The following PPFIBP2 variants were observed in gnomAD, a reference collection of about 807,000 sequenced individuals.
PPFIBP2 encodes the protein PPFIB scaffold protein 2.
Under a neutral mutation model 118.3 loss-of-function variants are expected in PPFIBP2, and 118 were observed. The ratio of observed to expected loss-of-function variants is 1.00; its 90% CI spans 0.86 to 1.16. PPFIBP2 has a LOEUF of 1.16. Ranked by LOEUF, PPFIBP2 falls within the 50% of genes most tolerant of loss-of-function variation. The probability of loss-of-function intolerance (pLI) is 0.00; values close to 1 mark genes in which losing one functional copy is unlikely to be tolerated. For synonymous variants in PPFIBP2, 414 were observed against 397.4 expected, an observed-to-expected ratio of 1.04 and a Z score of -0.50; for missense variants, 1,195 against 1,073.1, an observed-to-expected ratio of 1.11 and a Z score of -1.59.
At chr11:7,595,955 G>T (rs992886680) in intron 4 of PPFIBP2, among the ~76,000 whole-genome samples, 2 of 149,850 alleles carry the variant, frequency 1.3e-5, no homozygotes, top group Admixed American at 6.7e-5. Context: ...ATCTATTAGG[G>T]TCTCAAAAAT....
chr11:7,637,345 T>C (rs1851585014), intron 14 of PPFIBP2, among the ~76,000 whole-genome samples: 1 of 152,238 alleles, frequency 6.6e-6, no homozygotes, highest in Non-Finnish European at 1.5e-5. Flanking sequence ...GCTATTTCTT[T>C]AGGCCCTGGG....
rs1038277648 is a variant in PPFIBP2, at chr11:7,593,302, A to C, written c.372+78A>C. 2.6e-6 allele frequency: 4 copies of C among 1,520,122 alleles called. No homozygotes were observed. In the African/African-American group the frequency reaches 5.6e-5, roughly 21 times the overall value. 94.2% of individuals were successfully genotyped at this position (1,520,122 alleles called of 1,614,324 possible). On this transcript the variant is annotated intron_variant, in intron 4 of 23. Transcript: ENST00000299492. ...CTTCCCCTAAGTGGAAGGGAAGCCCAAGAGATTTTCTCTGTTGGAATTTTT... is the reference window on the plus strand; with the variant it reads ...CTTCCCCTAAGTGGAAGGGAAGCCCCAGAGATTTTCTCTGTTGGAATTTTT...
downstream of PPFIBP2, chr11:7,656,720 T>C: frequency 1.6e-6 from 2 of 1,289,728 alleles, no homozygotes; most frequent in Non-Finnish European, 2.0e-6. Context: ...GGCTGTGTCC[T>C]TTTCAGACAA....
intron 5 of PPFIBP2, among the ~76,000 whole-genome samples, chr11:7,608,011 G>A (rs1847602683): frequency 6.6e-6 from 1 of 152,186 alleles, no homozygotes; most frequent in Non-Finnish European, 1.5e-5. Flanking sequence ...AGAGTAGGTG[G>A]TGTGGGGGAT....
rs1565106490 is a variant in PPFIBP2, at chr11:7,639,879, C to T, written c.1375+9C>T. 1 of 1,612,176 alleles carries T rather than the reference C, an allele frequency of 6.2e-7. No individual in the cohort carries two copies. Among genetic ancestry groups the T allele is most frequent in the Non-Finnish European group, 8.5e-7 (1 of 1,179,330 alleles). ...CAGCCTGCTGAGGCTGAGTGAGTGT[C>T]CAGCCCTGGTGCTGGTGGCCTCTGA... On this transcript the variant is annotated intron_variant, in intron 15 of 23. Coordinates refer to ENST00000299492, the MANE Select transcript of PPFIBP2 (RefSeq NM_003621.5).
chr11:7,632,872 T>G lies in PPFIBP2; in HGVS notation c.1074T>G (p.Pro358=), dbSNP rs781435327. The change falls in exon 12 of 24, where the codon CCT becomes CCG. Residue 358 remains proline (P), a synonymous_variant. Coordinates refer to ENST00000299492, the MANE Select transcript of PPFIBP2 (RefSeq NM_003621.5). The stretch of plus-strand genomic sequence containing the variant: ...CTCTTCTGTCTCTGGTGCAGATGCC[T>G]CCAAGATGTAGCTCTCCTACAGTGG... ...DPEELFKQEM[P]PRCSSPTVGP... 6.2e-7 allele frequency: 1 copy of G among 1,613,462 alleles called. No homozygotes were observed. Among genetic ancestry groups the G allele is most frequent in the Admixed American group, 1.7e-5 (1 of 60,000 alleles).
chr11:7,588,760 C>T (rs556225010), intron 3 of PPFIBP2, among the ~76,000 whole-genome samples: 1 of 152,314 alleles, frequency 6.6e-6, no homozygotes, highest in East Asian at 1.9e-4. Context: ...ACTTGATAGA[C>T]ACAAAGGTGG....
intron 1 of PPFIBP2, among the ~76,000 whole-genome samples, chr11:7,539,948 T>A (rs1472658471): frequency 6.6e-6 from 1 of 152,176 alleles, no homozygotes; most frequent in Non-Finnish European, 1.5e-5. Flanking sequence ...ATCTCTACAG[T>A]CCCACAATGT....
intron 3 of PPFIBP2, among the ~76,000 whole-genome samples, chr11:7,574,641 G>A (rs1342878047): frequency 6.6e-6 from 1 of 152,196 alleles, no homozygotes; most frequent in African/African-American, 2.4e-5. Context: ...GACTTCTAGG[G>A]CAGTGGTGCA....
rs78173569 is a variant in PPFIBP2 at position 7,553,419 on chromosome 11, C to T, written c.64+3880C>T. Among the ~76,000 whole-genome samples the T allele has an allele frequency of 8.6e-3, 1,310 of 152,214 alleles. 10 individuals carry two copies. The highest frequency in any genetic ancestry group is 0.012 in the Non-Finnish European group (804 of 68,006). On this transcript the variant is annotated intron_variant, in intron 2 of 23. Coordinates refer to ENST00000299492, the MANE Select transcript of PPFIBP2 (RefSeq NM_003621.5). Reference sequence around the variant, plus strand: ...TGATCATTCTTTTGAATGCCTTGTTCAGGTTACTTTTTCTCAAGATTGCTG... The same window carrying T: ...TGATCATTCTTTTGAATGCCTTGTTTAGGTTACTTTTTCTCAAGATTGCTG...
intron 1 of PPFIBP2, among the ~76,000 whole-genome samples, chr11:7,546,470 A>G (rs1852338776): frequency 6.6e-6 from 1 of 152,156 alleles, no homozygotes; most frequent in Non-Finnish European, 1.5e-5. Flanking sequence ...GTCTTGTTTT[A>G]TGGCCCTTCT....
chr11:7,552,822 G>C (rs986085700), intron 2 of PPFIBP2, among the ~76,000 whole-genome samples: 2 of 152,064 alleles, frequency 1.3e-5, no homozygotes, highest in African/African-American at 4.8e-5. Flanking sequence ...GTACCGGAAG[G>C]CCTTCCCTGA....
intron 1 of PPFIBP2, chr11:7,539,308 T>TTTA (rs1851532705): frequency 6.6e-6 from 1 of 152,428 alleles, no homozygotes; most frequent in Non-Finnish European, 1.5e-5. Flanking sequence ...CACAATGGCC[T>TTTA]TGTCCCTCAT....
chr11:7,593,290 G>C (rs962615200), intron 4 of PPFIBP2, 66 bp downstream of exon 4: 2 of 1,567,258 alleles, frequency 1.3e-6, no homozygotes, highest in Non-Finnish European at 1.7e-6. Context: ...CCCCTAAGTG[G>C]AAGGGAAGCC....
At position 7,651,642 on chromosome 11, in the gene PPFIBP2, T is replaced by G; in HGVS notation, c.2248-14T>G. ...ATTTGCTCCTGGCCAGGCTTGTCTC[T>G]GGTTCCTTCTTAGATCCTGGAGCCA... On this transcript the variant is annotated splice_polypyrimidine_tract_variant and intron_variant, in intron 22 of 23. Transcript: ENST00000299492. 1 of 1,590,664 alleles carries G rather than the reference T, an allele frequency of 6.3e-7. No individual in the cohort carries two copies.
At chr11:7,600,029 A>G (rs1375976926) in intron 5 of PPFIBP2, among the ~76,000 whole-genome samples, 2 of 152,052 alleles carry the variant, frequency 1.3e-5, no homozygotes, top group Admixed American at 1.3e-4. Flanking sequence ...ACCATGTGCC[A>G]TAGAGGGTAG....
At chr11:7,581,569 A>C (rs1857258953) in intron 3 of PPFIBP2, among the ~76,000 whole-genome samples, 1 of 152,198 alleles carries the variant, frequency 6.6e-6, no homozygotes, top group Non-Finnish European at 1.5e-5. Flanking sequence ...CACTTGGGCC[A>C]GAAGAGCTGC....
chr11:7,620,788 G>A (rs1334395080), intron 6 of PPFIBP2, 147 bp from the exon 7 acceptor site: 1 of 651,264 alleles, frequency 1.5e-6, no homozygotes, highest in Non-Finnish European at 2.8e-6. Context: ...CAGCTTTCCT[G>A]AAACAAGGGA....
At chr11:7,663,756 G>A in the PPFIBP2 span, among the ~76,000 whole-genome samples, 3 of 152,192 alleles carry the variant, frequency 2.0e-5, no homozygotes, top group South Asian at 2.1e-4. Context: ...CCTCGCTGCT[G>A]CCTTGCAGTT....
Sources: gnomAD v4.1 joint callset for allele counts (sites outside exome capture counted in the v4.1 genomes callset) on GRCh38, gnomAD v4.1.1 for gene constraint, MANE v1.5 for transcripts, NCBI Gene and HGNC (gene_info 2026-07-23, HGNC 2026-07-21) for gene names.